Variants in RAPGEF1 observed in about 807,000 individuals in gnomAD.
RAPGEF1 encodes the protein CRK SH3-binding GNRP.
A neutral mutation model predicts 143.3 loss-of-function variants in RAPGEF1; 33 were observed. The ratio of observed to expected loss-of-function variants is 0.23; its 90% CI spans 0.17 to 0.31. The LOEUF is 0.31. Ranked by LOEUF, RAPGEF1 falls within the 10% of genes least tolerant of loss-of-function variation. The probability of loss-of-function intolerance (pLI) is 1.00; values close to 1 mark genes in which losing one functional copy is unlikely to be tolerated. For synonymous variants in RAPGEF1, 629 were observed against 676.5 expected (o/e 0.93, Z 1.09); for missense variants, 1,199 against 1,645.4 (o/e 0.73, Z 4.69).
At chr9:131,722,677 C>T (rs1455417350) in intron 1 of RAPGEF1, among the ~76,000 whole-genome samples, 4 of 152,200 alleles carry the variant, frequency 2.6e-5, no homozygotes, top group Admixed American at 1.3e-4. Context: ...ACTGGGTCCC[C>T]ATCCAGAGGT....
At chr9:131,661,180 G>A (rs1189510010) in intron 1 of RAPGEF1, among the ~76,000 whole-genome samples, 1 of 152,218 alleles carries the variant, frequency 6.6e-6, no homozygotes, top group Non-Finnish European at 1.5e-5. Context: ...GTCACCATCA[G>A]ACATGTACCA....
chr9:131,653,717 C>T (rs960865526), intron 1 of RAPGEF1, among the ~76,000 whole-genome samples: 2 of 152,204 alleles, frequency 1.3e-5, no homozygotes, highest in Non-Finnish European at 2.9e-5. Context: ...AAATGTCGGG[C>T]AGTTTCTCAC....
intron 22 of RAPGEF1, among the ~76,000 whole-genome samples, chr9:131,586,989 T>C (rs974727326): frequency 7.3e-5 from 2 of 27,372 alleles, no homozygotes; most frequent in African/African-American, 3.2e-4. Context: ...CACACACACC[T>C]GCAGAGTGAG....
At chr9:131,594,656 CTCAG>C (rs1401803527) in intron 17 of RAPGEF1, among the ~76,000 whole-genome samples, 1 of 152,242 alleles carries the variant, frequency 6.6e-6, no homozygotes, top group African/African-American at 2.4e-5. Flanking sequence ...TGGCTTCTGC[CTCAG>C]TAATACTTCC....
chr9:131,720,035 GC>G (rs1158661322), intron 1 of RAPGEF1, among the ~76,000 whole-genome samples: 1 of 152,008 alleles, frequency 6.6e-6, no homozygotes, highest in Non-Finnish European at 1.5e-5. Flanking sequence ...ACAGGCATGG[GC>G]CACCACACCC....
At chr9:131,598,096 C>G (rs1191805288) in intron 16 of RAPGEF1, 103 bp downstream of exon 16, 3 of 1,008,974 alleles carry the variant, frequency 3.0e-6, no homozygotes, top group African/African-American at 3.2e-5. Context: ...GTCTCTAAGC[C>G]TCCTAGGGTT....
rs370449276 is a variant in RAPGEF1, at chr9:131,676,374, G to C, written c.62-25425C>G. 2.6e-5 allele frequency among the ~76,000 whole-genome samples: 4 copies of C among 152,248 alleles called. No homozygotes were observed. In the East Asian group the frequency reaches 7.7e-4, roughly 29 times the overall value. On this transcript the variant is annotated intron_variant, in intron 1 of 26. Transcript: ENST00000683357. ...ATGGGAATCACCTGTGTGGGGGACT[G>C]AGTCCCCTTCAAGGCAGCTGAGCCC...
At chr9:131,704,539 G>A (rs1834906452) in intron 1 of RAPGEF1, among the ~76,000 whole-genome samples, 1 of 151,972 alleles carries the variant, frequency 6.6e-6, no homozygotes, top group East Asian at 1.9e-4. Flanking sequence ...CACCCACACT[G>A]TGTACAAACA....
In RAPGEF1 at chr9:131,641,712, C is replaced by T. The variant is rs982873394; in HGVS notation, c.494+1527G>A. Among the ~76,000 whole-genome samples the T allele has an allele frequency of 6.6e-6, 1 of 152,198 alleles. No individual in the cohort carries two copies. Among genetic ancestry groups the T allele is most frequent in the African/African-American group, 2.4e-5 (1 of 41,444 alleles). On this transcript the variant is annotated intron_variant, in intron 4 of 26. Transcript: ENST00000683357. This position sits in a 1 kb window ranked among gnomAD's most constrained non-coding sequence, Gnocchi z 4.6. Reference sequence around the variant, plus strand: ...GTCAGCACATGCGCTCCTAGGAGCCCAGCACCGAACACTTCTAAGAGCCGG... The same window carrying T: ...GTCAGCACATGCGCTCCTAGGAGCCTAGCACCGAACACTTCTAAGAGCCGG...
At chr9:131,708,317 G>A (rs1234447135) in intron 1 of RAPGEF1, among the ~76,000 whole-genome samples, 2 of 152,162 alleles carry the variant, frequency 1.3e-5, no homozygotes, top group South Asian at 2.1e-4. Context: ...GTGAAGTCTC[G>A]CATATGTCAT....
intron 5 of RAPGEF1, among the ~76,000 whole-genome samples, chr9:131,636,417 G>A (rs1220553223): frequency 1.3e-5 from 2 of 152,122 alleles, no homozygotes; most frequent in Non-Finnish European, 2.9e-5. Context: ...TAACCTATAG[G>A]TTTCTCTCTC....
chr9:131,630,141 C>T, intron 6 of RAPGEF1, 95 bp downstream of exon 6: 2 of 1,168,648 alleles, frequency 1.7e-6, no homozygotes, highest in Non-Finnish European at 1.3e-6. Flanking sequence ...GCAGCCCACC[C>T]TCATGCTGCC....
intron 1 of RAPGEF1, among the ~76,000 whole-genome samples, chr9:131,706,070 G>A (rs1835030757): frequency 6.6e-6 from 1 of 152,096 alleles, no homozygotes. Context: ...ATCAGGGGCC[G>A]CCTGGTCTGT....
chr9:131,727,995 T>C lies in RAPGEF1; in HGVS notation c.61+11775A>G, dbSNP rs568482858. ...TCCAGGACCAAATGATTACAGAAAG[T>C]GAAAAGGGTTGACTGGGCTTTGGTC... On this transcript the variant is annotated intron_variant, in intron 1 of 26. Transcript: ENST00000683357. 2.0e-5 allele frequency among the ~76,000 whole-genome samples: 3 copies of C among 152,210 alleles called. No homozygotes were observed. In the South Asian group the frequency reaches 6.2e-4, roughly 32 times the overall value.
intron 12 of RAPGEF1, among the ~76,000 whole-genome samples, chr9:131,616,835 G>C (rs572476864): frequency 5.3e-4 from 80 of 152,310 alleles, no homozygotes; most frequent in African/African-American, 1.9e-3. Flanking sequence ...ATATATGAAG[G>C]ACATGTTGGC....
At chr9:131,709,736 A>G in intron 1 of RAPGEF1, 1 of 1,612,848 alleles carries the variant, frequency 6.2e-7, no homozygotes, top group Non-Finnish European at 8.5e-7. Flanking sequence ...TTTCCGGAGC[A>G]GCAACTGAGG....
chr9:131,585,362 A>AGCGG lies in RAPGEF1; in HGVS notation c.3234-767_3234-766insCCGC, dbSNP rs10657349. Among the ~76,000 whole-genome samples the AGCGG allele has an allele frequency of 1.0e-3, 148 of 146,354 alleles. 1 individual carries two copies. Among genetic ancestry groups the AGCGG allele is most frequent in the Middle Eastern group, 3.5e-3 (1 of 286 alleles). ...CTCTTGGCTAATTTTAATTTTTTGT[A>AGCGG]GGGGGGGGGCGTCTCTCTATGTTGT... On this transcript the variant is annotated intron_variant, in intron 22 of 26. Coordinates refer to ENST00000683357, the MANE Select transcript of RAPGEF1 (RefSeq NM_001377935.1).
At chr9:131,718,366 G>A (rs1188885946) in intron 1 of RAPGEF1, among the ~76,000 whole-genome samples, 1 of 152,174 alleles carries the variant, frequency 6.6e-6, no homozygotes, top group African/African-American at 2.4e-5. Flanking sequence ...GAAGCCCCAG[G>A]CAATCATAAA....
rs541719062 is a variant in RAPGEF1, at chr9:131,638,865, G to A, written c.495-74C>T. 31 of 1,431,476 alleles carry A rather than the reference G, an allele frequency of 2.2e-5. No homozygotes were observed. The South Asian group carries it at 3.2e-4, about 15-fold the overall frequency. The allele number at this position is 1,431,476 out of a possible 1,614,324, so 88.7% of individuals were successfully genotyped here. On this transcript the variant is annotated intron_variant, in intron 4 of 26. Coordinates refer to ENST00000683357, the MANE Select transcript of RAPGEF1 (RefSeq NM_001377935.1). ...TCACTTAGCACAGAGCCAGCTTCTC[G>A]GTGACAAGGGTGTGTTTCTCCAACT...
Sources: allele counts gnomAD v4.1 joint callset (sites outside exome capture counted in the v4.1 genomes callset), GRCh38; gene constraint gnomAD v4.1.1; non-coding constraint Gnocchi (gnomAD v3.1); transcripts MANE v1.5; gene names NCBI Gene and HGNC (gene_info 2026-07-23, HGNC 2026-07-21).